Variants in RSF1 observed in about 807,000 individuals in gnomAD.
RSF1 encodes the protein HBV pX-associated protein 8.
A neutral mutation model predicts 145.2 loss-of-function variants in RSF1; 13 were observed. The ratio of observed to expected loss-of-function variants is 0.09; its 90% CI spans 0.06 to 0.14. The LOEUF is 0.14. Among genes scored for constraint, RSF1 ranks in the 10% least tolerant of loss-of-function variants. The pLI is 1.00. For synonymous variants in RSF1, 577 were observed against 592.6 expected (o/e 0.97, Z 0.38); for missense variants, 1,517 against 1,718.2 (o/e 0.88, Z 2.07).
chr11:77,743,101 A>G (rs766146751), intron 3 of RSF1, among the ~76,000 whole-genome samples: 2 of 152,160 alleles, frequency 1.3e-5, no homozygotes, highest in African/African-American at 4.8e-5. Context: ...AGTGGTCGAT[A>G]TATCTGCTTT....
Position 77,662,147 on chromosome 11 carries a change from T to C in RSF1, c.*4770A>G, listed in dbSNP as rs947334816. ...CATTCAAAATATCCAAGAAATTTTA[T>C]AAATTTCTACTCATCTATTGTTATG... On this transcript the variant is annotated 3_prime_UTR_variant, in exon 16 of 16. Coordinates refer to ENST00000308488, the MANE Select transcript of RSF1 (RefSeq NM_016578.4). The C allele has an allele frequency of 6.6e-6, 1 of 152,180 alleles. No individual in the cohort carries two copies. The highest frequency in any genetic ancestry group is 1.5e-5 in the Non-Finnish European group (1 of 68,002). The allele number at this position is 152,180 out of a possible 1,614,324, so 9.4% of individuals were successfully genotyped here. A position where few individuals can be genotyped will look rare whatever the true frequency, so the allele number is the denominator to read the frequency against.
At chr11:77,855,631 T>C in the RSF1 span, 1 of 152,004 alleles carries the variant, frequency 6.6e-6, no homozygotes, top group Non-Finnish European at 1.5e-5. Flanking sequence ...GCCTGGCCTT[T>C]TTTTTCTTTT....
At chr11:77,739,799 A>G (rs1319894529) in intron 4 of RSF1, among the ~76,000 whole-genome samples, 1 of 152,242 alleles carries the variant, frequency 6.6e-6, no homozygotes, top group Admixed American at 6.5e-5. Context: ...AGTGACAGAA[A>G]ACTAAAGACA....
chr11:77,857,611 G>A, the RSF1 span, among the ~76,000 whole-genome samples: 17 of 151,080 alleles, frequency 1.1e-4, no homozygotes, highest in Non-Finnish European at 1.6e-4. Context: ...TTAAGTTCTC[G>A]GATACATGTG....
intron 7 of RSF1, among the ~76,000 whole-genome samples, chr11:77,697,508 TAA>T (rs1192177997): frequency 4.4e-5 from 1 of 22,642 alleles, no homozygotes; most frequent in Non-Finnish European, 7.5e-5. Context: ...ATATATTATA[TAA>T]AATATATTTA....
chr11:77,741,453 G>C (rs552327649), intron 3 of RSF1, among the ~76,000 whole-genome samples: 1 of 152,288 alleles, frequency 6.6e-6, no homozygotes, highest in South Asian at 2.1e-4. Flanking sequence ...TGGGCTGGGA[G>C]GTTGAGGATG....
At chr11:77,675,584 G>C (rs1270608256) in intron 13 of RSF1, among the ~76,000 whole-genome samples, 1 of 152,016 alleles carries the variant, frequency 6.6e-6, no homozygotes, top group East Asian at 1.9e-4. Context: ...CTGGTATTTG[G>C]CACCATCACT....
At chr11:77,864,323 A>G in the RSF1 span, among the ~76,000 whole-genome samples, 1 of 151,744 alleles carries the variant, frequency 6.6e-6, no homozygotes, top group East Asian at 2.0e-4. Context: ...ACATGCCTGT[A>G]ATCCCAGCTA....
At chr11:77,728,348 C>T (rs1426651252) in intron 4 of RSF1, among the ~76,000 whole-genome samples, 5 of 152,072 alleles carry the variant, frequency 3.3e-5, no homozygotes, top group African/African-American at 7.2e-5. Flanking sequence ...TTATATTACA[C>T]GGATAAACTT....
rs1164694807 is a variant in RSF1 at position 77,664,068 on chromosome 11, T to C, written c.*2849A>G. Reference sequence around the variant, plus strand: ...CTTTCTGCAGTTCGTAGTGACTGTATTGTCTTTGTATACAGAACATTTCGT... The same window carrying C: ...CTTTCTGCAGTTCGTAGTGACTGTACTGTCTTTGTATACAGAACATTTCGT... On this transcript the variant is annotated 3_prime_UTR_variant, in exon 16 of 16. Transcript: ENST00000308488. 2 of 152,214 alleles carry C rather than the reference T, an allele frequency of 1.3e-5. No homozygotes were observed. Among genetic ancestry groups the C allele is most frequent in the Non-Finnish European group, 2.9e-5 (2 of 68,048 alleles). 9.4% of individuals were successfully genotyped at this position (152,214 alleles called of 1,614,324 possible).
chr11:77,828,637 C>A, the RSF1 span, among the ~76,000 whole-genome samples: 1 of 148,148 alleles, frequency 6.8e-6, no homozygotes, highest in African/African-American at 2.5e-5. Context: ...CACCACTGCA[C>A]TGCGCCTGGG....
upstream of RSF1, among the ~76,000 whole-genome samples, chr11:77,821,666 C>T (rs1948909691): frequency 6.6e-6 from 1 of 151,740 alleles, no homozygotes; most frequent in African/African-American, 2.4e-5. Flanking sequence ...AGAGGCGGAA[C>T]ATGACAGGAG....
At chr11:77,871,450 G>A in the RSF1 span, among the ~76,000 whole-genome samples, 2 of 152,174 alleles carry the variant, frequency 1.3e-5, no homozygotes, top group African/African-American at 4.8e-5. Flanking sequence ...GCCCCTCATG[G>A]ATAATAAAAA....
chr11:77,712,435 G>T (rs1960709574), intron 5 of RSF1, among the ~76,000 whole-genome samples: 1 of 152,134 alleles, frequency 6.6e-6, no homozygotes, highest in East Asian at 1.9e-4. Context: ...ATCTTTATTA[G>T]CAGCATGAGA....
chr11:77,858,302 CTTTTTTTTTTTTT>C, the RSF1 span, among the ~76,000 whole-genome samples: 1 of 69,348 alleles, frequency 1.4e-5, no homozygotes, highest in Non-Finnish European at 2.5e-5. Flanking sequence ...TTAAGCAATT[CTTTTTTTTTTTTT>C]TTTTTTTTTT....
At position 77,718,650 on chromosome 11, in the gene RSF1, T is replaced by C. The variant is rs578067121; in HGVS notation, c.733+6895A>G. ...TTTAACATTACAGGAATGGTGCTCT[T>C]ATAAGATCAGAGGAACAGAAAACAG... On this transcript the variant is annotated intron_variant, in intron 5 of 15. Coordinates refer to ENST00000308488, the MANE Select transcript of RSF1 (RefSeq NM_016578.4). Among the ~76,000 whole-genome samples the C allele has an allele frequency of 2.0e-3, 298 of 152,302 alleles. 2 individuals are homozygous for C. The highest frequency in any genetic ancestry group is 2.7e-3 in the Non-Finnish European group (183 of 68,030).
chr11:77,753,598 AGCACATCAGCTATCATTCATGTTAGTGT>A (rs1298188063), intron 2 of RSF1, among the ~76,000 whole-genome samples: 1 of 152,246 alleles, frequency 6.6e-6, no homozygotes. Context: ...GATTTTTAAA[AGCACATCAGCTATCATTCATGTTAGTGT>A]ATTTTATGTG....
In RSF1 at chr11:77,698,498, G is replaced by A. The variant is rs749804130; in HGVS notation, c.2704C>T (p.His902Tyr). ...CATCAGGTACATACTAGCTCAGGAT[G>A]GTTTGGAAGGCCACATTTTTTGCAT... ...EPCKKCGLPNHPELILLCDSC... is the reference protein window; with the variant it reads ...EPCKKCGLPNYPELILLCDSC... The change falls in exon 7 of 16, where the codon CAT becomes TAT. Residue 902 changes from histidine (H) to tyrosine (Y), a missense_variant. His to Tyr is a moderately conservative substitution (Grantham distance 83, BLOSUM62 2). Around this residue, in one of 12 missense-constraint regions of RSF1, gnomAD observed 24 missense variants for 32.1 expected, o/e 0.75. Transcript: ENST00000308488. 1 of 1,613,960 alleles carries A rather than the reference G, an allele frequency of 6.2e-7. No individual in the cohort carries two copies.
chr11:77,732,715 T>C (rs866936913), intron 4 of RSF1, among the ~76,000 whole-genome samples: 12 of 152,210 alleles, frequency 7.9e-5, no homozygotes, highest in African/African-American at 2.7e-4. Context: ...ATGAAAGGCA[T>C]GACTTGCTCC....
Sources: allele counts gnomAD v4.1 joint callset (sites outside exome capture counted in the v4.1 genomes callset), GRCh38; gene constraint gnomAD v4.1.1; regional missense constraint gnomAD v4.1.1; transcripts MANE v1.5; gene names NCBI Gene and HGNC (gene_info 2026-07-23, HGNC 2026-07-21).